SNX7: variants seen among roughly 807,000 people sequenced by gnomAD.
SNX7 encodes sorting nexin 7.
SNX7 carries 35 observed loss-of-function variants against 48.4 expected under a neutral mutation model. The observed-to-expected ratio is 0.72, with a 90% CI of 0.55 to 0.96. The LOEUF (loss-of-function observed/expected upper bound fraction) is 0.96, where lower values mean the gene tolerates loss of function less well. Among genes scored for constraint, SNX7 ranks in the 40% least tolerant of loss-of-function variants. The pLI, the probability that SNX7 is intolerant of heterozygous loss-of-function variation, is 0.00. For synonymous variants in SNX7, 190 were observed against 190.2 expected (o/e 1.00, Z 0.01); for missense variants, 553 against 548.9 (o/e 1.01, Z -0.07).
intron 8 of SNX7, among the ~76,000 whole-genome samples, chr1:98,757,841 A>G (rs1482153): frequency 0.71 from 108,381 of 151,880 alleles, 40,068 homozygotes; most frequent in South Asian, 0.82. Flanking sequence ...TCACTACACT[A>G]TACTTCCTCA....
intron 8 of SNX7, among the ~76,000 whole-genome samples, chr1:98,757,637 C>T (rs1447045716): frequency 6.6e-6 from 1 of 151,994 alleles, no homozygotes; most frequent in African/African-American, 2.4e-5. Context: ...ATGGAGCTTA[C>T]TCTTCCCCAC....
In SNX7 at chr1:98,739,645, A is replaced by C. The variant is rs574641952; in HGVS notation, c.1278+1256A>C. On this transcript the variant is annotated intron_variant, in intron 8 of 8. Coordinates refer to ENST00000306121, the MANE Select transcript of SNX7 (RefSeq NM_015976.5). ...ATAACCTAATCTAGAAAAAATAAGG[A>C]TATGTTTATGCAGAGACCTGAATGA... Among the ~76,000 whole-genome samples, 16 of 152,222 alleles carry C rather than the reference A, an allele frequency of 1.1e-4. No homozygotes were observed. In the East Asian group the frequency reaches 3.1e-3, roughly 29 times the overall value.
intron 8 of SNX7, among the ~76,000 whole-genome samples, chr1:98,757,388 C>T (rs1013567147): frequency 6.6e-6 from 1 of 151,980 alleles, no homozygotes; most frequent in African/African-American, 2.4e-5. Context: ...CTCTCCTTGG[C>T]TTGCAGATGC....
intron 7 of SNX7, among the ~76,000 whole-genome samples, chr1:98,723,938 A>G (rs1459537096): frequency 7.1e-6 from 1 of 140,904 alleles, no homozygotes; most frequent in Non-Finnish European, 1.6e-5. Context: ...TAGACTTCAT[A>G]TTTTCTTTTT....
chr1:98,728,522 A>C (rs911173659), intron 7 of SNX7, among the ~76,000 whole-genome samples: 1 of 152,218 alleles, frequency 6.6e-6, no homozygotes, highest in Non-Finnish European at 1.5e-5. Context: ...ACAAAGAGTC[A>C]AGATCCATTA....
chr1:98,668,118 T>A (rs993138071), intron 1 of SNX7, among the ~76,000 whole-genome samples: 4 of 152,176 alleles, frequency 2.6e-5, no homozygotes, highest in African/African-American at 7.2e-5. Flanking sequence ...TCTAAGTTTC[T>A]CTTTTTGAGG....
At chr1:98,662,880 TGAC>T (rs1557780470) in intron 1 of SNX7, 94 of 1,274,568 alleles carry the variant, frequency 7.4e-5, no homozygotes, top group Non-Finnish European at 9.3e-5. Flanking sequence ...AGTTAGGAAG[TGAC>T]CATGCATACT....
chr1:98,719,526 C>A (rs1415247330), intron 7 of SNX7, among the ~76,000 whole-genome samples: 1 of 151,910 alleles, frequency 6.6e-6, no homozygotes, highest in Non-Finnish European at 1.5e-5. Flanking sequence ...AGTGTCTGGT[C>A]TTTGTTCATT....
At chr1:98,740,450 A>G (rs138928231) in intron 8 of SNX7, among the ~76,000 whole-genome samples, 213 of 152,306 alleles carry the variant, frequency 1.4e-3, no homozygotes, top group Non-Finnish European at 1.2e-3. Flanking sequence ...GCAGTTTTCT[A>G]TAAATGATTA....
At chr1:98,725,772 A>T (rs1013342250) in intron 7 of SNX7, among the ~76,000 whole-genome samples, 5 of 152,198 alleles carry the variant, frequency 3.3e-5, no homozygotes, top group Non-Finnish European at 7.3e-5. Context: ...GAGAGGAATA[A>T]TTTATTGAGG....
intron 1 of SNX7, among the ~76,000 whole-genome samples, chr1:98,667,539 G>A (rs1404967492): frequency 3.3e-5 from 5 of 151,400 alleles, no homozygotes; most frequent in Admixed American, 6.6e-5. Flanking sequence ...GCCACACCCA[G>A]CATTTTTTTT....
chr1:98,753,347 T>G (rs1437717061), intron 8 of SNX7, among the ~76,000 whole-genome samples: 1 of 152,122 alleles, frequency 6.6e-6, no homozygotes, highest in Non-Finnish European at 1.5e-5. Context: ...TTTTAGTACT[T>G]AATTTAGAAA....
At chr1:98,725,867 A>T (rs1200561180) in intron 7 of SNX7, among the ~76,000 whole-genome samples, 1 of 152,166 alleles carries the variant, frequency 6.6e-6, no homozygotes, top group Non-Finnish European at 1.5e-5. Context: ...GGGTCTTACT[A>T]TAATAGAAGA....
intron 8 of SNX7, among the ~76,000 whole-genome samples, chr1:98,749,140 G>A (rs751770184): frequency 6.6e-6 from 1 of 152,090 alleles, no homozygotes; most frequent in Non-Finnish European, 1.5e-5. Flanking sequence ...GTAAGGATAT[G>A]AATTTAAATT....
chr1:98,703,223 G>A (rs9659487), intron 7 of SNX7, among the ~76,000 whole-genome samples: 7,885 of 152,056 alleles, frequency 0.052, 635 homozygotes, highest in African/African-American at 0.17. Flanking sequence ...ACTCTGATTT[G>A]TGCAAGCATA....
intron 4 of SNX7, among the ~76,000 whole-genome samples, chr1:98,692,417 G>GC (rs1424570513): frequency 2.0e-5 from 3 of 152,080 alleles, no homozygotes; most frequent in African/African-American, 4.8e-5. Flanking sequence ...ATGGTACTTA[G>GC]CAAGCAATTC....
At chr1:98,728,829 C>T (rs1343903141) in intron 7 of SNX7, among the ~76,000 whole-genome samples, 3 of 152,110 alleles carry the variant, frequency 2.0e-5, no homozygotes, top group African/African-American at 7.2e-5. Context: ...GGCTTAGATT[C>T]CCACATAATA....
In SNX7 at chr1:98,691,601, C is replaced by T. The variant is rs751264716; in HGVS notation, c.541C>T (p.Arg181Cys). Residue 181 changes from arginine to cysteine, a missense_variant, in exon 4 of 9, where the codon CGC becomes TGC. By Grantham distance (180) the Arg-to-Cys change is radical (BLOSUM62 -3). Coordinates refer to ENST00000306121, the MANE Select transcript of SNX7 (RefSeq NM_015976.5). Reference sequence around the variant, plus strand: ...CTTTAACGATGACTTCATTGAGACACGCAGGAAGGCTTTACATAAATTTTT... The same window carrying T: ...CTTTAACGATGACTTCATTGAGACATGCAGGAAGGCTTTACATAAATTTTT... ...ERFNDDFIET[R>C]RKALHKFLNR... 10 of 1,610,686 alleles carry T rather than the reference C, an allele frequency of 6.2e-6. No homozygotes were observed. Among genetic ancestry groups the T allele is most frequent in the South Asian group, 2.2e-5 (2 of 90,736 alleles).
intron 7 of SNX7, among the ~76,000 whole-genome samples, chr1:98,703,882 A>C (rs1041530901): frequency 6.6e-6 from 1 of 152,086 alleles, no homozygotes; most frequent in African/African-American, 2.4e-5. Context: ...TTGATGAAAT[A>C]CTAGAAACAG....
Sources: allele counts gnomAD v4.1 joint callset (sites outside exome capture counted in the v4.1 genomes callset), GRCh38; gene constraint gnomAD v4.1.1; transcripts MANE v1.5; gene names NCBI Gene and HGNC (gene_info 2026-07-23, HGNC 2026-07-21).